The following FAAH2 variants were observed in gnomAD, a reference collection of about 807,000 sequenced individuals.
FAAH2 encodes fatty-acid amide hydrolase 2.
In FAAH2, 60 loss-of-function variants were observed where a neutral mutation model predicts 36.9. The observed-to-expected ratio is 1.63, with a 90% CI of 1.32 to 2.02. The LOEUF is 2.02. Ranked by LOEUF, FAAH2 falls within the 30% of genes most tolerant of loss-of-function variation. The pLI is 0.00. For missense variants in FAAH2, 689 were observed against 397.5 expected (o/e 1.73, Z -6.23); for synonymous variants, 214 against 143.8 (o/e 1.49, Z -3.49).
intron 3 of FAAH2, among the ~76,000 whole-genome samples, chrX:57,329,265 C>A (rs2053324316): frequency 9.0e-6 from 1 of 111,617 alleles, no homozygotes; most frequent in African/African-American, 3.3e-5. Context: ...TGACTGGGGG[C>A]ATAGGGCTTT....
chrX:57,325,583 G>A (rs1054161913), intron 3 of FAAH2, among the ~76,000 whole-genome samples: 10 of 106,906 alleles, frequency 9.4e-5, no homozygotes, highest in Non-Finnish European at 1.7e-4. Context: ...TGTAGGTGTC[G>A]AGGAATTTAT....
At chrX:57,129,486 A>C in the FAAH2 span, among the ~76,000 whole-genome samples, 1 of 112,489 alleles carries the variant, frequency 8.9e-6, no homozygotes, top group African/African-American at 3.2e-5. Context: ...GAGTCAACTT[A>C]TGTATGCAAA....
chrX:57,474,352 C>T (rs184010752), intron 10 of FAAH2, among the ~76,000 whole-genome samples: 2 of 110,906 alleles, frequency 1.8e-5, no homozygotes, highest in Non-Finnish European at 1.9e-5. Flanking sequence ...AATGCTCTCC[C>T]TCCCCTTGTC....
rs185973945 is a variant in FAAH2, at chrX:57,419,961, T to C, written c.997-11957T>C. ...TGGCTAGCCAGTTTTCCCAGCAGCA[T>C]TTATTAAATAGAGAATCCTTTCCCC... On this transcript the variant is annotated intron_variant, in intron 7 of 10. Coordinates refer to ENST00000374900, the MANE Select transcript of FAAH2 (RefSeq NM_174912.4). 4.9e-3 allele frequency among the ~76,000 whole-genome samples: 544 copies of C among 112,164 alleles called. 3 individuals carry two copies. Among genetic ancestry groups the C allele is most frequent in the Middle Eastern group, 0.018 (4 of 217 alleles).
chrX:57,412,069 A>G (rs2055713433), intron 7 of FAAH2, among the ~76,000 whole-genome samples: 1 of 111,606 alleles, frequency 9.0e-6, no homozygotes, highest in African/African-American at 3.3e-5. Context: ...AGTAATTGGG[A>G]TATCCATTGC....
At chrX:57,465,200 T>C (rs1288974131) in intron 10 of FAAH2, among the ~76,000 whole-genome samples, 1 of 111,601 alleles carries the variant, frequency 9.0e-6, no homozygotes, top group African/African-American at 3.2e-5. Context: ...CATAATTTAA[T>C]CTAATGAACA....
At chrX:57,173,656 G>C in the FAAH2 span, among the ~76,000 whole-genome samples, 2 of 111,658 alleles carry the variant, frequency 1.8e-5, no homozygotes, top group Admixed American at 1.9e-4. Flanking sequence ...CCAATTCTTA[G>C]GGGGAACGTT....
chrX:57,220,957 C>G, the FAAH2 span, among the ~76,000 whole-genome samples: 11 of 112,158 alleles, frequency 9.8e-5, no homozygotes, highest in African/African-American at 3.2e-4. Context: ...TTGCCTCATC[C>G]AAGCCAAGGG....
intron 7 of FAAH2, among the ~76,000 whole-genome samples, chrX:57,412,704 A>G (rs1350284156): frequency 1.8e-5 from 2 of 112,022 alleles, no homozygotes; most frequent in Non-Finnish European, 3.8e-5. Flanking sequence ...GTGTCTTTAT[A>G]GTAGAATAAT....
chrX:57,428,513 A>G (rs1271606229), intron 7 of FAAH2, among the ~76,000 whole-genome samples: 1 of 112,157 alleles, frequency 8.9e-6, no homozygotes, highest in Non-Finnish European at 1.9e-5. Context: ...CATAGAAACT[A>G]CAACAGCATG....
chrX:57,159,411 A>C, the FAAH2 span, among the ~76,000 whole-genome samples: 1 of 111,503 alleles, frequency 9.0e-6, no homozygotes, highest in African/African-American at 3.3e-5. Context: ...ATGGCATTGA[A>C]TCTATAAATT....
At chrX:57,385,936 C>T in intron 7 of FAAH2, among the ~76,000 whole-genome samples, 1 of 108,605 alleles carries the variant, frequency 9.2e-6, no homozygotes, top group Non-Finnish European at 1.9e-5. Flanking sequence ...TAAGTGGATA[C>T]ATTACTGTGT....
At chrX:57,158,198 ATAGTAT>A in the FAAH2 span, among the ~76,000 whole-genome samples, 1 of 111,986 alleles carries the variant, frequency 8.9e-6, no homozygotes, top group Non-Finnish European at 1.9e-5. Flanking sequence ...TTATGGCTGC[ATAGTAT>A]TCCATGGCGT....
chrX:57,386,083 C>T (rs943419012), intron 7 of FAAH2, among the ~76,000 whole-genome samples: 1 of 111,301 alleles, frequency 9.0e-6, no homozygotes, highest in Non-Finnish European at 1.9e-5. Flanking sequence ...AAAGTGAGAT[C>T]TTCATAAGTT....
the FAAH2 span, among the ~76,000 whole-genome samples, chrX:57,197,874 G>T: frequency 2.7e-5 from 3 of 112,197 alleles, no homozygotes; most frequent in Non-Finnish European, 5.6e-5. Context: ...CAGTGAACTT[G>T]TTATGTGAAC....
At chrX:57,170,051 G>A in the FAAH2 span, among the ~76,000 whole-genome samples, 1 of 111,577 alleles carries the variant, frequency 9.0e-6, no homozygotes, top group African/African-American at 3.3e-5. Context: ...GCACACTGCA[G>A]CCTCAAACTC....
intron 2 of FAAH2, among the ~76,000 whole-genome samples, chrX:57,293,194 G>T (rs778301050): frequency 8.1e-5 from 9 of 110,959 alleles, no homozygotes; most frequent in Non-Finnish European, 1.3e-4. Context: ...TGTCTTGTTT[G>T]CACGTCAGCT....
intron 10 of FAAH2, among the ~76,000 whole-genome samples, chrX:57,464,074 TAA>T (rs2057007066): frequency 8.9e-6 from 1 of 112,088 alleles, no homozygotes; most frequent in South Asian, 3.7e-4. Context: ...TATGCAGCCA[TAA>T]AAATGAATTA....
At chrX:57,290,813 A>AAT (rs1324753068) in intron 1 of FAAH2, among the ~76,000 whole-genome samples, 20 of 111,841 alleles carry the variant, frequency 1.8e-4, no homozygotes, top group Non-Finnish European at 3.6e-4. Context: ...AGCCACAATC[A>AAT]ATATATTTGA....
Sources: allele counts gnomAD v4.1 joint callset (sites outside exome capture counted in the v4.1 genomes callset), GRCh38; gene constraint gnomAD v4.1.1; transcripts MANE v1.5; gene names NCBI Gene and HGNC (gene_info 2026-07-23, HGNC 2026-07-21).